Variants in PHACTR4 observed in about 807,000 individuals in gnomAD.
PHACTR4 encodes protein phosphatase 1, regulatory subunit 124.
Under a neutral mutation model 72.7 loss-of-function variants are expected in PHACTR4, and 51 were observed. The ratio of observed to expected loss-of-function variants is 0.70; its 90% CI spans 0.56 to 0.89. The LOEUF is 0.89. Among genes scored for constraint, PHACTR4 ranks in the 40% least tolerant of loss-of-function variants. PHACTR4 has a pLI of 0.00. For missense variants in PHACTR4, 731 were observed against 861.8 expected (o/e 0.85, Z 1.90); for synonymous variants, 255 against 302.5 (o/e 0.84, Z 1.63).
At chr1:28,473,462 A>G (rs1421295731) in intron 6 of PHACTR4, 92 bp from the exon 7 acceptor site, 1 of 928,228 alleles carries the variant, frequency 1.1e-6, no homozygotes, top group East Asian at 2.4e-5. Context: ...TTAAAAGATT[A>G]AAACTGAACT....
chr1:28,397,602 T>C lies in PHACTR4; in HGVS notation c.-38-9808T>C, dbSNP rs187213615. Among the ~76,000 whole-genome samples the C allele has an allele frequency of 9.8e-5, 15 of 152,294 alleles. No individual in the cohort carries two copies. In the East Asian group the frequency reaches 2.3e-3, roughly 23 times the overall value. On this transcript the variant is annotated intron_variant, in intron 1 of 13. Transcript: ENST00000373839. ...TCTTGACGGTTTCCATCTGAGTAGA[T>C]TAATTTATATTTGTATGTACAATCT...
intron 1 of PHACTR4, among the ~76,000 whole-genome samples, chr1:28,371,061 GTCC>G (rs1408985821): frequency 6.6e-6 from 1 of 152,186 alleles, no homozygotes; most frequent in Non-Finnish European, 1.5e-5. Context: ...AACTGTGTAT[GTCC>G]TCCTGTTGGA....
chr1:28,394,180 A>G (rs1437853827), intron 1 of PHACTR4, among the ~76,000 whole-genome samples: 1 of 151,012 alleles, frequency 6.6e-6, no homozygotes, highest in Non-Finnish European at 1.5e-5. Flanking sequence ...GATATTCTTG[A>G]TCCTGTCCCT....
intron 2 of PHACTR4, among the ~76,000 whole-genome samples, chr1:28,410,954 G>C (rs868798291): frequency 6.6e-6 from 1 of 151,948 alleles, no homozygotes; most frequent in Non-Finnish European, 1.5e-5. Flanking sequence ...TGATCCACCC[G>C]CCGTGGCCTC....
chr1:28,446,916 T>C lies in PHACTR4; in HGVS notation c.17-12169T>C, dbSNP rs542659727. ...GCTTCCCCCGAAGCCAGGCAGATAC[T>C]AGCATCATTCTTCCTATACAGACTG... is the stretch of plus-strand genomic sequence containing the variant. On this transcript the variant is annotated intron_variant, in intron 2 of 13. Transcript: ENST00000373839. 3.9e-5 allele frequency among the ~76,000 whole-genome samples: 6 copies of C among 152,332 alleles called. No homozygotes were observed. In the South Asian group the frequency reaches 1.0e-3, roughly 26 times the overall value.
intron 12 of PHACTR4, 146 bp from the exon 13 acceptor site, chr1:28,492,869 G>T (rs536503840): frequency 1.0e-5 from 6 of 590,264 alleles, no homozygotes; most frequent in South Asian, 7.0e-5. Context: ...AGACAGATGG[G>T]TATCATTGTG....
chr1:28,482,877 C>G (rs1032294934), intron 9 of PHACTR4, among the ~76,000 whole-genome samples: 1 of 150,220 alleles, frequency 6.7e-6, no homozygotes, highest in Non-Finnish European at 1.5e-5. Context: ...AGATCAAGGC[C>G]GCAGTATGCT....
intron 9 of PHACTR4, among the ~76,000 whole-genome samples, chr1:28,483,227 C>A (rs571884648): frequency 6.6e-6 from 1 of 151,744 alleles, no homozygotes; most frequent in Non-Finnish European, 1.5e-5. Context: ...GACCCTGTCT[C>A]GACAAAAAAA....
At chr1:28,448,382 C>CA (rs560890753) in intron 2 of PHACTR4, among the ~76,000 whole-genome samples, 8 of 126,388 alleles carry the variant, frequency 6.3e-5, no homozygotes, top group Admixed American at 3.4e-4. Context: ...GACTTTGTTT[C>CA]AAAAAAAAAG....
At chr1:28,492,473 C>A (rs1370674949) in intron 12 of PHACTR4, among the ~76,000 whole-genome samples, 7 of 148,896 alleles carry the variant, frequency 4.7e-5, no homozygotes, top group African/African-American at 9.9e-5. Context: ...AAAAAAAAAA[C>A]AAAACTAGCC....
At chr1:28,467,154 A>T (rs1465164950) in intron 6 of PHACTR4, 2 of 162,740 alleles carry the variant, frequency 1.2e-5, no homozygotes, top group Non-Finnish European at 1.3e-5. Context: ...CGGAGGTTGC[A>T]GTGAGCCAAG....
At chr1:28,462,567 T>A (rs1264135329) in intron 4 of PHACTR4, among the ~76,000 whole-genome samples, 1 of 151,992 alleles carries the variant, frequency 6.6e-6, no homozygotes, top group Non-Finnish European at 1.5e-5. Flanking sequence ...GGTTTCACCG[T>A]TTTGGCCAGG....
intron 2 of PHACTR4, among the ~76,000 whole-genome samples, chr1:28,431,715 C>T (rs935070859): frequency 9.9e-5 from 15 of 152,138 alleles, no homozygotes; most frequent in African/African-American, 3.6e-4. Flanking sequence ...AAAGATATTC[C>T]ACAGTGTCTT....
At chr1:28,425,586 G>A (rs888415204) in intron 2 of PHACTR4, among the ~76,000 whole-genome samples, 1 of 152,182 alleles carries the variant, frequency 6.6e-6, no homozygotes, top group Admixed American at 6.5e-5. Context: ...TCCTATTCAT[G>A]TACTGGAAAA....
At chr1:28,492,877 G>A (rs1000967773) in intron 12 of PHACTR4, 138 bp from the exon 13 acceptor site, 18 of 627,780 alleles carry the variant, frequency 2.9e-5, no homozygotes, top group Non-Finnish European at 4.2e-5. Flanking sequence ...GGGTATCATT[G>A]TGTTGACCTG....
intron 1 of PHACTR4, among the ~76,000 whole-genome samples, chr1:28,393,175 C>T (rs995790239): frequency 2.8e-4 from 43 of 152,110 alleles, no homozygotes; most frequent in Non-Finnish European, 4.0e-4. Context: ...ATGGCACAAT[C>T]TCTTTTAAGC....
intron 2 of PHACTR4, among the ~76,000 whole-genome samples, chr1:28,456,996 C>A (rs915317389): frequency 5.9e-5 from 9 of 151,898 alleles, no homozygotes; most frequent in African/African-American, 2.2e-4. Context: ...TAATTGAGAC[C>A]CAGAATGTCC....
chr1:28,474,939 TTTTATTTA>T (rs143428465), intron 7 of PHACTR4, among the ~76,000 whole-genome samples: 6 of 151,300 alleles, frequency 4.0e-5, no homozygotes, highest in South Asian at 2.1e-4. Flanking sequence ...AAAACTTTAT[TTTTATTTA>T]TTTATTTATT....
chr1:28,420,476 T>C (rs1296729120), intron 2 of PHACTR4, among the ~76,000 whole-genome samples: 2 of 152,164 alleles, frequency 1.3e-5, no homozygotes, highest in Non-Finnish European at 2.9e-5. Context: ...GTAAGTTTCC[T>C]GAGGCCTCCC....
Sources: allele counts gnomAD v4.1 joint callset (sites outside exome capture counted in the v4.1 genomes callset), GRCh38; gene constraint gnomAD v4.1.1; transcripts MANE v1.5; gene names NCBI Gene and HGNC (gene_info 2026-07-23, HGNC 2026-07-21).